Variants in MPHOSPH8 observed in about 807,000 individuals in gnomAD.
MPHOSPH8 encodes M-phase phosphoprotein 8, also known as M-phase phosphoprotein, mpp.
Under a neutral mutation model 87.3 loss-of-function variants are expected in MPHOSPH8, and 45 were observed. The ratio of observed to expected loss-of-function variants is 0.52; its 90% CI spans 0.41 to 0.66. MPHOSPH8 has a LOEUF of 0.66. Ranked by LOEUF, MPHOSPH8 falls within the 30% of genes least tolerant of loss-of-function variation. The pLI, the probability that MPHOSPH8 is intolerant of heterozygous loss-of-function variation, is 0.00. For missense variants in MPHOSPH8, 883 were observed against 1,020.2 expected, an observed-to-expected ratio of 0.87 and a Z score of 1.83; for synonymous variants, 366 against 376.9, an observed-to-expected ratio of 0.97 and a Z score of 0.33.
chr13:19,642,215 A>C lies in MPHOSPH8; in HGVS notation c.314A>C (p.Glu105Ala). ...GAGGACTGTAAAGAAGTGCTTCTTG[A>C]ATTTAGGAAGAAAATTGCAGAGAAC... The part of the protein sequence containing the change: ...HLEDCKEVLL[E>A]FRKKIAENKA... The change falls in exon 2 of 14, where the codon GAA becomes GCA. Residue 105 changes from glutamate to alanine, a missense_variant. By Grantham distance (107) the Glu-to-Ala change is moderately radical (BLOSUM62 -1). Around this residue, in one of 3 missense-constraint regions of MPHOSPH8, gnomAD observed 39 missense variants for 82.4 expected, o/e 0.47. Transcript: ENST00000361479. 1 of 1,611,898 alleles carries C rather than the reference A, an allele frequency of 6.2e-7. No homozygotes were observed. The highest frequency in any genetic ancestry group is 8.5e-7 in the Non-Finnish European group (1 of 1,179,340).
chr13:19,643,456 A>G (rs1280867100), intron 2 of MPHOSPH8, among the ~76,000 whole-genome samples: 6 of 151,992 alleles, frequency 3.9e-5, no homozygotes, highest in East Asian at 1.9e-4. Flanking sequence ...TCTATTGATC[A>G]GGCTGGTAGG....
intron 9 of MPHOSPH8, among the ~76,000 whole-genome samples, chr13:19,664,795 CAG>C (rs1875724198): frequency 6.6e-6 from 1 of 151,542 alleles, no homozygotes; most frequent in Non-Finnish European, 1.5e-5. Flanking sequence ...GTACATTTCA[CAG>C]GGGCATCTAG....
chr13:19,661,031 G>A, intron 7 of MPHOSPH8: 6 of 908,914 alleles, frequency 6.6e-6, no homozygotes, highest in Non-Finnish European at 7.9e-6. Context: ...GCTGTGGCAG[G>A]AGGAATGCTT....
At chr13:19,649,602 C>T (rs1488964105) in intron 4 of MPHOSPH8, among the ~76,000 whole-genome samples, 1 of 152,168 alleles carries the variant, frequency 6.6e-6, no homozygotes, top group Admixed American at 6.6e-5. Flanking sequence ...TGCTGTTTCC[C>T]TCACTTGCCA....
At position 19,642,121 on chromosome 13, in the gene MPHOSPH8, GT is replaced by G; in HGVS notation, c.222del (p.Leu75PhefsTer53). The G allele has an allele frequency of 6.6e-7, 1 of 1,518,422 alleles. No individual in the cohort carries two copies. 94.1% of individuals were successfully genotyped at this position (1,518,422 alleles called of 1,614,324 possible). ...ILDMKTEGGK[V>X]LYKVRWKGYT... ...CTTTTATTTTCTATAACAGGGTAAAGTTCTTTACAAAGTTCGCTGGAAAGGC... is the reference window on the plus strand; with the variant it reads ...CTTTTATTTTCTATAACAGGGTAAAGTCTTTACAAAGTTCGCTGGAAAGGC... On this transcript the variant is annotated frameshift_variant, in exon 2 of 14. Coordinates refer to ENST00000361479, the MANE Select transcript of MPHOSPH8 (RefSeq NM_017520.4). LOFTEE classifies it high-confidence loss of function.
At chr13:19,649,441 T>G (rs376702359) in intron 4 of MPHOSPH8, among the ~76,000 whole-genome samples, 2 of 152,202 alleles carry the variant, frequency 1.3e-5, no homozygotes, top group East Asian at 3.8e-4. Flanking sequence ...CCAGAGTTTA[T>G]AATAGAATTC....
At position 19,657,537 on chromosome 13, in the gene MPHOSPH8, C is replaced by T. The variant is rs201860605; in HGVS notation, c.1577-1458C>T. Among the ~76,000 whole-genome samples, 4 of 151,552 alleles carry T rather than the reference C, an allele frequency of 2.6e-5. No individual in the cohort carries two copies. The East Asian group carries it at 7.8e-4, about 29-fold the overall frequency. On this transcript the variant is annotated intron_variant, in intron 5 of 13. Coordinates refer to ENST00000361479, the MANE Select transcript of MPHOSPH8 (RefSeq NM_017520.4). ...GAGCCGAGATGGCGCCACTGCACTC[C>T]AGCCTGGGGACAGAGCAAGACTCCG...
At chr13:19,662,996 T>G in intron 8 of MPHOSPH8, 44 bp from the exon 9 acceptor site, 1 of 1,482,934 alleles carries the variant, frequency 6.7e-7, no homozygotes, top group Non-Finnish European at 9.4e-7. Context: ...AACTGTCTTT[T>G]AAATAATTTG....
intron 11 of MPHOSPH8, among the ~76,000 whole-genome samples, chr13:19,668,883 C>T (rs541126722): frequency 1.3e-5 from 2 of 152,258 alleles, no homozygotes; most frequent in African/African-American, 4.8e-5. Context: ...AATAGTCTTG[C>T]TCCATAGTAA....
At chr13:19,662,748 A>C (rs1374908441) in intron 8 of MPHOSPH8, among the ~76,000 whole-genome samples, 1 of 152,222 alleles carries the variant, frequency 6.6e-6, no homozygotes, top group Non-Finnish European at 1.5e-5. Flanking sequence ...TTTGGTTAAT[A>C]ATTTAATTGA....
At chr13:19,669,247 T>A (rs1165851426) in intron 11 of MPHOSPH8, among the ~76,000 whole-genome samples, 1 of 152,170 alleles carries the variant, frequency 6.6e-6, no homozygotes, top group African/African-American at 2.4e-5. Flanking sequence ...CATGGCATGA[T>A]CTTGGCTCAC....
intron 2 of MPHOSPH8, among the ~76,000 whole-genome samples, chr13:19,644,113 A>T (rs1323810702): frequency 1.3e-5 from 2 of 152,162 alleles, no homozygotes; most frequent in African/African-American, 4.8e-5. Flanking sequence ...AAGTTACTTG[A>T]ATTTTTTTTT....
chr13:19,663,403 G>A (rs1179222999), intron 9 of MPHOSPH8, among the ~76,000 whole-genome samples: 1 of 152,198 alleles, frequency 6.6e-6, no homozygotes, highest in Non-Finnish European at 1.5e-5. Flanking sequence ...CAATCCTTAG[G>A]GTGGATGAGG....
rs190520266 is a variant in MPHOSPH8, at chr13:19,656,581, G to A, written c.1577-2414G>A. ...TTGAGACCAGCCTGGCCAACATGGT[G>A]AAACCCCGTCTCTACTAAAAATACA... On this transcript the variant is annotated intron_variant, in intron 5 of 13. Transcript: ENST00000361479. Among the ~76,000 whole-genome samples, 339 of 152,134 alleles carry A rather than the reference G, an allele frequency of 2.2e-3. 3 individuals are homozygous for A. The highest frequency in any genetic ancestry group is 4.0e-3 in the Non-Finnish European group (270 of 67,988).
intron 7 of MPHOSPH8, 39 bp downstream of exon 7, chr13:19,659,328 A>G: frequency 7.0e-7 from 1 of 1,427,196 alleles, no homozygotes; most frequent in Non-Finnish European, 9.7e-7. Context: ...AGGAAAATGG[A>G]AAGTAACACT....
In MPHOSPH8 at chr13:19,661,705, G is replaced by A. The variant is rs374453532; in HGVS notation, c.1799G>A (p.Ser600Asn). The A allele has an allele frequency of 1.3e-6, 2 of 1,597,268 alleles. No homozygotes were observed. Among genetic ancestry groups the A allele is most frequent in the Non-Finnish European group, 8.6e-7 (1 of 1,169,228 alleles). Residue 600 changes from serine (S) to asparagine (N), a missense_variant, in exon 8 of 14, where the codon AGT becomes AAT. Coordinates refer to ENST00000361479, the MANE Select transcript of MPHOSPH8 (RefSeq NM_017520.4). ...EEYNLDQEDS[S>N]GMTLVMLAAA... ...TTTAACAAACCAACACAGGATTCCA[G>A]TGGAATGACACTGGTGATGCTTGCC...
At chr13:19,657,201 T>C (rs1208252480) in intron 5 of MPHOSPH8, among the ~76,000 whole-genome samples, 1 of 146,028 alleles carries the variant, frequency 6.8e-6, no homozygotes, top group African/African-American at 2.5e-5. Context: ...CTAAAATGTA[T>C]ATATGCCATT....
chr13:19,670,441 G>A lies in MPHOSPH8; in HGVS notation c.2457+78G>A, dbSNP rs1876062082. 11 of 1,478,898 alleles carry A rather than the reference G, an allele frequency of 7.4e-6. No homozygotes were observed. In the South Asian group the frequency reaches 1.4e-4, roughly 18 times the overall value. The allele number at this position is 1,478,898 out of a possible 1,614,324, so 91.6% of individuals were successfully genotyped here. On this transcript the variant is annotated intron_variant, in intron 12 of 13. Coordinates refer to ENST00000361479, the MANE Select transcript of MPHOSPH8 (RefSeq NM_017520.4). Reference sequence around the variant, plus strand: ...ACAGATGACTTAATTTTAAATTCCTGTGTCTTAATAAAATATAAGCATTCA... The same window carrying A: ...ACAGATGACTTAATTTTAAATTCCTATGTCTTAATAAAATATAAGCATTCA...
At position 19,650,133 on chromosome 13, in the gene MPHOSPH8, C is replaced by A. The variant is rs776830454; in HGVS notation, c.1449C>A (p.Thr483=). 3.1e-6 allele frequency: 5 copies of A among 1,613,808 alleles called. No individual in the cohort carries two copies. In the African/African-American group the frequency reaches 6.7e-5, roughly 22 times the overall value. The part of the protein sequence containing the change: ...LDFKTIDDHK[T]KENKQSLKER... ...TTAAAACCATAGACGATCACAAAAC[C>A]AAGGAAAACAAACAGTCACTTAAAG... Residue 483 remains threonine (T), a synonymous_variant, in exon 5 of 14, where the codon ACC becomes ACA. Coordinates refer to ENST00000361479, the MANE Select transcript of MPHOSPH8 (RefSeq NM_017520.4).
Sources: allele counts gnomAD v4.1 joint callset (sites outside exome capture counted in the v4.1 genomes callset), GRCh38; gene constraint gnomAD v4.1.1; regional missense constraint gnomAD v4.1.1; transcripts MANE v1.5; gene names NCBI Gene and HGNC (gene_info 2026-07-23, HGNC 2026-07-21).